DEPDC7: variants seen among roughly 807,000 people sequenced by gnomAD.
DEPDC7 encodes DEP domain-containing protein 7.
Under a neutral mutation model 56.6 loss-of-function variants are expected in DEPDC7, and 41 were observed. The ratio of observed to expected loss-of-function variants is 0.72; its 90% CI spans 0.56 to 0.94. DEPDC7 has a LOEUF of 0.94. DEPDC7 is among the 40% of genes least tolerant of loss of function. DEPDC7 has a pLI of 0.00. For missense variants in DEPDC7, 522 were observed against 596.3 expected (o/e 0.88, Z 1.30); for synonymous variants, 185 against 208.8 (o/e 0.89, Z 0.98).
At chr11:33,021,254 A>AG in intron 1 of DEPDC7, among the ~76,000 whole-genome samples, 1 of 152,080 alleles carries the variant, frequency 6.6e-6, no homozygotes, top group East Asian at 1.9e-4. Context: ...CATCTCAAAA[A>AG]AAAAAAAAGA....
Position 33,033,354 on chromosome 11 carries a change from CTT to C in DEPDC7, c.1436_1437del (p.Leu479ArgfsTer2). On this transcript the variant is annotated frameshift_variant, in exon 9 of 9. Coordinates refer to ENST00000241051, the MANE Select transcript of DEPDC7 (RefSeq NM_001077242.2). LOFTEE classifies it high-confidence loss of function. The stretch of plus-strand genomic sequence containing the variant: ...TGAGCTGTTGAATTTACTAAAAACT[CTT>C]GATGAGGATTCAAAACTTTCTGCCA... Reference protein sequence around the residue: ...KDELLNLLKTLDEDSKLSAKE... With the variant: ...KDELLNLLKTXDEDSKLSAKE... The C allele has an allele frequency of 6.2e-7, 1 of 1,611,600 alleles. No individual in the cohort carries two copies. Among genetic ancestry groups the C allele is most frequent in the Non-Finnish European group, 8.5e-7 (1 of 1,179,028 alleles).
At chr11:33,019,297 A>G (rs1185200422) in intron 1 of DEPDC7, among the ~76,000 whole-genome samples, 1 of 152,186 alleles carries the variant, frequency 6.6e-6, no homozygotes, top group Non-Finnish European at 1.5e-5. Flanking sequence ...TGTGACAATC[A>G]AAAATGTCTC....
intron 4 of DEPDC7, among the ~76,000 whole-genome samples, chr11:33,029,506 A>C (rs1853612122): frequency 6.6e-6 from 1 of 151,774 alleles, no homozygotes; most frequent in Admixed American, 6.6e-5. Context: ...AAAAAAAAAA[A>C]AAAAATGAAA....
intron 1 of DEPDC7, among the ~76,000 whole-genome samples, chr11:33,016,821 G>A (rs985891664): frequency 2.0e-5 from 3 of 152,112 alleles, no homozygotes; most frequent in African/African-American, 7.2e-5. Context: ...AGTTAATAGG[G>A]GTGACTCAGA....
intron 1 of DEPDC7, among the ~76,000 whole-genome samples, chr11:33,022,778 A>G (rs1391657413): frequency 6.6e-6 from 1 of 152,148 alleles, no homozygotes; most frequent in Non-Finnish European, 1.5e-5. Context: ...TGCTCTGTTC[A>G]ACAGAGACTA....
In DEPDC7 at chr11:33,028,829, G is replaced by A. The variant is rs374155651; in HGVS notation, c.782+37G>A. 1.1e-3 allele frequency: 1,648 copies of A among 1,487,686 alleles called. 29 individuals are homozygous for A. In the South Asian group the frequency reaches 0.02, roughly 18 times the overall value. The allele number at this position is 1,487,686 out of a possible 1,614,324, so 92.2% of individuals were successfully genotyped here. On this transcript the variant is annotated intron_variant, in intron 4 of 8. Transcript: ENST00000241051. ...TACATATAATAATTTGAGTGTGTTT[G>A]TAGGTAGATTGAGATAATGGTTTTA...
At chr11:33,018,125 G>A (rs1853482827) in intron 1 of DEPDC7, among the ~76,000 whole-genome samples, 1 of 152,194 alleles carries the variant, frequency 6.6e-6, no homozygotes, top group Admixed American at 6.5e-5. Flanking sequence ...GCAGTCTTCA[G>A]CATGACGCCT....
intron 2 of DEPDC7, chr11:33,026,310 C>T: frequency 2.1e-6 from 1 of 469,730 alleles, no homozygotes; most frequent in Non-Finnish European, 3.9e-6. Flanking sequence ...AAAGTGTTCT[C>T]ATACCACTTG....
chr11:33,022,114 G>A (rs927488133), intron 1 of DEPDC7, among the ~76,000 whole-genome samples: 5 of 152,100 alleles, frequency 3.3e-5, no homozygotes, highest in Admixed American at 3.3e-4. Context: ...TGTCTCATTG[G>A]TTCTTAAAAG....
chr11:33,024,843 A>G (rs952967172), intron 1 of DEPDC7, among the ~76,000 whole-genome samples: 5 of 133,872 alleles, frequency 3.7e-5, no homozygotes, highest in African/African-American at 1.3e-4. Flanking sequence ...TGTGTGTATG[A>G]CTCATAAGTA....
chr11:33,029,606 T>C (rs1441122919), intron 4 of DEPDC7, among the ~76,000 whole-genome samples: 1 of 152,204 alleles, frequency 6.6e-6, no homozygotes, highest in Admixed American at 6.5e-5. Flanking sequence ...TTAAAATTTT[T>C]TTTTCCTTAA....
At chr11:33,016,511 C>T (rs1230959336) in intron 1 of DEPDC7, 2 of 1,613,610 alleles carry the variant, frequency 1.2e-6, no homozygotes, top group East Asian at 4.5e-5. Flanking sequence ...CAAGAGTCAG[C>T]TTGTCTCCCC....
intron 4 of DEPDC7, among the ~76,000 whole-genome samples, 167 bp from the exon 5 acceptor site, chr11:33,031,211 T>G (rs571344799): frequency 6.6e-6 from 1 of 152,378 alleles, no homozygotes; most frequent in South Asian, 2.1e-4. Context: ...ATACGTGATC[T>G]AGCTATATAT....
In DEPDC7 at chr11:33,032,415, T is replaced by G. The variant is rs375119204; in HGVS notation, c.1074T>G (p.Phe358Leu). The G allele has an allele frequency of 6.3e-7, 1 of 1,580,634 alleles. No homozygotes were observed. The highest frequency in any genetic ancestry group is 2.3e-5 in the East Asian group (1 of 44,030). The change falls in exon 6 of 9, where the codon TTT becomes TTG. Residue 358 changes from phenylalanine (F) to leucine (L), a missense_variant. Phe to Leu is a conservative substitution (Grantham distance 22). Coordinates refer to ENST00000241051, the MANE Select transcript of DEPDC7 (RefSeq NM_001077242.2). The stretch of plus-strand genomic sequence containing the variant: ...TAGATTTCCAAAATAGAGAAGAATT[T>G]AGAAGACTACTGTATTTCATGGCTG... ...KLLDFQNREE[F>L]RRLLYFMAVA...
At chr11:33,016,277 C>T (rs961446215) in intron 1 of DEPDC7, 1 of 1,378,672 alleles carries the variant, frequency 7.3e-7, no homozygotes, top group Non-Finnish European at 9.3e-7. Flanking sequence ...TTCTTTCTAC[C>T]CAGACTCTCA....
rs1432187347 is a variant in DEPDC7 at position 33,015,941 on chromosome 11, C to T, written c.-15C>T. 1.3e-6 allele frequency: 2 copies of T among 1,567,782 alleles called. No homozygotes were observed. The highest frequency in any genetic ancestry group is 1.9e-5 in the Admixed American group (1 of 53,924). On this transcript the variant is annotated 5_prime_UTR_variant, in exon 1 of 9. Transcript: ENST00000241051. Reference sequence around the variant, plus strand: ...TGAAGCTGCTGGAGGAGTTGGCGTCCGGGGAGCAAGGGCCATGGCCACCGT... The same window carrying T: ...TGAAGCTGCTGGAGGAGTTGGCGTCTGGGGAGCAAGGGCCATGGCCACCGT...
chr11:33,019,393 T>C (rs1182439766), intron 1 of DEPDC7, among the ~76,000 whole-genome samples: 1 of 151,948 alleles, frequency 6.6e-6, no homozygotes, highest in Non-Finnish European at 1.5e-5. Flanking sequence ...GAACGGGGTG[T>C]AGTGGCTCAC....
At chr11:33,020,304 AACTTTT>A (rs1345365692) in intron 1 of DEPDC7, among the ~76,000 whole-genome samples, 2 of 152,178 alleles carry the variant, frequency 1.3e-5, no homozygotes, top group Non-Finnish European at 2.9e-5. Context: ...TTAGAAGTTT[AACTTTT>A]ACTTTTGGTA....
chr11:33,020,698 T>C (rs977947014), intron 1 of DEPDC7, among the ~76,000 whole-genome samples: 1 of 152,186 alleles, frequency 6.6e-6, no homozygotes, highest in African/African-American at 2.4e-5. Flanking sequence ...AGTGCAGTGG[T>C]GCGATCCTAG....
Sources: allele counts gnomAD v4.1 joint callset (sites outside exome capture counted in the v4.1 genomes callset), GRCh38; gene constraint gnomAD v4.1.1; transcripts MANE v1.5; gene names NCBI Gene and HGNC (gene_info 2026-07-23, HGNC 2026-07-21).